The following CLDN10 variants were observed in gnomAD, a reference collection of about 807,000 sequenced individuals.
CLDN10 encodes the protein claudin 10, also known as claudin-10.
In CLDN10, 15 loss-of-function variants were observed where a neutral mutation model predicts 22.9. The observed-to-expected ratio is 0.65, with a 90% CI of 0.44 to 1.01. The LOEUF is 1.01. CLDN10 is among the 50% of genes least tolerant of loss of function. CLDN10 has a pLI of 0.00. For missense variants in CLDN10, 247 were observed against 287.8 expected (o/e 0.86, Z 1.03); for synonymous variants, 114 against 111.4 (o/e 1.02, Z -0.15).
chr13:95,434,044 G>A, exon 1 of CLDN10: 2 of 1,613,686 alleles, frequency 1.2e-6, no homozygotes, highest in Non-Finnish European at 8.5e-7. Flanking sequence ...CTTCAAAGTA[G>A]CAGGTAAATA....
At chr13:95,522,426 T>A (rs1041202101) in intron 1 of CLDN10, among the ~76,000 whole-genome samples, 3 of 152,214 alleles carry the variant, frequency 2.0e-5, no homozygotes, top group African/African-American at 7.2e-5. Context: ...TACATTTTTC[T>A]TATAAATGTC....
chr13:95,560,738 CTGAGGT>C, intron 3 of CLDN10: 1 of 354,680 alleles, frequency 2.8e-6, no homozygotes, highest in Non-Finnish European at 5.2e-6. Flanking sequence ...CATCATGAAA[CTGAGGT>C]CAAGTAGAGG....
intron 3 of CLDN10, among the ~76,000 whole-genome samples, chr13:95,564,546 G>A (rs754491871): frequency 2.0e-4 from 31 of 152,194 alleles, no homozygotes; most frequent in Non-Finnish European, 3.4e-4. Context: ...AGACCTCAGA[G>A]CATGGTTTTG....
intron 1 of CLDN10, among the ~76,000 whole-genome samples, chr13:95,530,496 C>A (rs1162753530): frequency 6.6e-6 from 1 of 152,176 alleles, no homozygotes; most frequent in African/African-American, 2.4e-5. Flanking sequence ...GGACTTAGAA[C>A]CACTCTTCGC....
chr13:95,470,514 C>T (rs566922017), intron 1 of CLDN10, among the ~76,000 whole-genome samples: 1 of 152,232 alleles, frequency 6.6e-6, no homozygotes, highest in South Asian at 2.1e-4. Context: ...ACAACATGTT[C>T]TTCTCTCCCC....
intron 3 of CLDN10, among the ~76,000 whole-genome samples, chr13:95,575,204 G>GA (rs1265443205): frequency 3.3e-5 from 5 of 151,950 alleles, no homozygotes; most frequent in Admixed American, 6.6e-5. Context: ...CCTGTACTGG[G>GA]AAAAAAACAG....
intron 1 of CLDN10, among the ~76,000 whole-genome samples, chr13:95,504,074 T>C (rs1029234707): frequency 2.0e-5 from 3 of 152,210 alleles, no homozygotes; most frequent in African/African-American, 7.2e-5. Flanking sequence ...CACCTTAAAA[T>C]ATTTCCTGGA....
chr13:95,469,728 G>A (rs772720557), intron 1 of CLDN10, among the ~76,000 whole-genome samples: 9 of 152,174 alleles, frequency 5.9e-5, no homozygotes, highest in South Asian at 4.1e-4. Flanking sequence ...AGGGAGGCCC[G>A]TTCTGAAAGT....
rs57019843 is a variant in CLDN10 at position 95,540,301 on chromosome 13, AAAATAAATAAATAAATAAAT to A, written c.215-19809_215-19790del. 3.9e-4 allele frequency among the ~76,000 whole-genome samples: 55 copies of A among 142,830 alleles called. 1 individual carries two copies. In the East Asian group the frequency reaches 4.2e-3, roughly 11 times the overall value. The allele number at this position is 142,830 out of a possible 152,430, so 93.7% of individuals were successfully genotyped here. A position where few individuals can be genotyped will look rare whatever the true frequency, so the allele number is the denominator to read the frequency against. On this transcript the variant is annotated intron_variant, in intron 1 of 4. Transcript: ENST00000376873. ...GGCAACAGAGGGAGACTCTGTCTCAAAAATAAATAAATAAATAAATAAATAAATAAATAAATAAATATTAG... is the reference window on the plus strand; with the variant it reads ...GGCAACAGAGGGAGACTCTGTCTCAAAAATAAATAAATAAATAAATATTAG...
At chr13:95,573,414 G>C (rs1051876579) in intron 3 of CLDN10, among the ~76,000 whole-genome samples, 5 of 152,222 alleles carry the variant, frequency 3.3e-5, no homozygotes, top group African/African-American at 1.2e-4. Context: ...TAGTCATAAA[G>C]AGGGCACACT....
chr13:95,521,378 T>G (rs935247643), intron 1 of CLDN10, among the ~76,000 whole-genome samples: 1 of 152,216 alleles, frequency 6.6e-6, no homozygotes, highest in Non-Finnish European at 1.5e-5. Context: ...GATAAGATTT[T>G]TATAAATCAT....
chr13:95,553,617 T>C (rs2043596354), intron 1 of CLDN10, among the ~76,000 whole-genome samples: 1 of 152,232 alleles, frequency 6.6e-6, no homozygotes, highest in African/African-American at 2.4e-5. Flanking sequence ...AGGAAAATAA[T>C]AGCCCTTGCG....
At chr13:95,447,325 A>C (rs191358122) in intron 1 of CLDN10, among the ~76,000 whole-genome samples, 2 of 152,328 alleles carry the variant, frequency 1.3e-5, no homozygotes, top group Admixed American at 1.3e-4. Flanking sequence ...ATTCTACTGC[A>C]GTGGCCGAGG....
intron 1 of CLDN10, among the ~76,000 whole-genome samples, chr13:95,448,826 A>G (rs538049411): frequency 6.6e-6 from 1 of 150,402 alleles, no homozygotes; most frequent in East Asian, 1.9e-4. Context: ...TGCAGCCTCC[A>G]CCTCCCAGGT....
chr13:95,546,783 T>C (rs1287178409), intron 1 of CLDN10, among the ~76,000 whole-genome samples: 1 of 152,166 alleles, frequency 6.6e-6, no homozygotes, highest in Non-Finnish European at 1.5e-5. Flanking sequence ...CTGAGGGCTA[T>C]GGAAATCATT....
At chr13:95,500,347 C>T (rs1172374241) in intron 1 of CLDN10, among the ~76,000 whole-genome samples, 1 of 152,168 alleles carries the variant, frequency 6.6e-6, no homozygotes, top group Non-Finnish European at 1.5e-5. Flanking sequence ...CCTATTTAGC[C>T]TGAGGCCTCA....
In CLDN10 at chr13:95,569,722, A is replaced by G. The variant is rs533319835; in HGVS notation, c.465-7509A>G. On this transcript the variant is annotated intron_variant, in intron 3 of 4. Transcript: ENST00000299339. ...TTGTCAACTGGATACTCTTGGTTCA[A>G]TTCTAAAATGTGCTCAGGTAGGTTA... 1.4e-3 allele frequency among the ~76,000 whole-genome samples: 210 copies of G among 152,332 alleles called. 2 individuals are homozygous for G. Among genetic ancestry groups the G allele is most frequent in the African/African-American group, 4.8e-3 (199 of 41,582 alleles).
intron 1 of CLDN10, among the ~76,000 whole-genome samples, chr13:95,525,305 G>GAAAGGACT (rs2043269228): frequency 6.6e-6 from 1 of 152,056 alleles, no homozygotes; most frequent in Non-Finnish European, 1.5e-5. Flanking sequence ...TTGGAGAAAT[G>GAAAGGACT]TCTATTCAAG....
intron 1 of CLDN10, among the ~76,000 whole-genome samples, chr13:95,459,152 G>A (rs1427864305): frequency 4.6e-5 from 7 of 152,204 alleles, no homozygotes; most frequent in African/African-American, 1.4e-4. Flanking sequence ...CTGTGGCATT[G>A]CAGGGTACAA....
Sources: allele counts gnomAD v4.1 joint callset (sites outside exome capture counted in the v4.1 genomes callset), GRCh38; gene constraint gnomAD v4.1.1; transcripts MANE v1.5; gene names NCBI Gene and HGNC (gene_info 2026-07-23, HGNC 2026-07-21).